The following NCOA7 variants were observed in gnomAD, a reference collection of about 807,000 sequenced individuals.
The protein encoded by NCOA7 is 140 kDa estrogen receptor-associated protein.
Under a neutral mutation model 104.3 loss-of-function variants are expected in NCOA7, and 45 were observed. The observed-to-expected ratio is 0.43, with a 90% CI of 0.34 to 0.55. NCOA7 has a LOEUF of 0.55. Ranked by LOEUF, NCOA7 falls within the 20% of genes least tolerant of loss-of-function variation. The pLI is 0.02. For missense variants in NCOA7, 1,041 were observed against 1,119.7 expected, an observed-to-expected ratio of 0.93 and a Z score of 1.00; for synonymous variants, 398 against 402.3, an observed-to-expected ratio of 0.99 and a Z score of 0.13.
intron 3 of NCOA7, among the ~76,000 whole-genome samples, chr6:125,856,322 CAT>C (rs1781543817): frequency 6.6e-6 from 1 of 151,546 alleles, no homozygotes; most frequent in Non-Finnish European, 1.5e-5. Context: ...TACAGGAAGA[CAT>C]ATGTTTATGT....
At chr6:125,921,522 T>G (rs1216889584) in intron 12 of NCOA7, among the ~76,000 whole-genome samples, 1 of 152,164 alleles carries the variant, frequency 6.6e-6, no homozygotes, top group Non-Finnish European at 1.5e-5. Flanking sequence ...CAGTGCCCCC[T>G]GCTCTGCCTC....
At chr6:125,820,650 C>T (rs1479635611) in intron 2 of NCOA7, among the ~76,000 whole-genome samples, 1 of 151,894 alleles carries the variant, frequency 6.6e-6, no homozygotes, top group Non-Finnish European at 1.5e-5. Flanking sequence ...ACAGTGAGTA[C>T]TCACACATTC....
At chr6:125,888,029 T>A (rs1333463623) in intron 8 of NCOA7, among the ~76,000 whole-genome samples, 2 of 152,352 alleles carry the variant, frequency 1.3e-5, no homozygotes, top group African/African-American at 2.4e-5. Context: ...TCATTTTTTT[T>A]AAATGTATTT....
Position 125,889,697 on chromosome 6 carries a change from G to A in NCOA7, c.1643G>A (p.Gly548Glu), listed in dbSNP as rs1459176072. 1 of 1,613,946 alleles carries A rather than the reference G, an allele frequency of 6.2e-7. No individual in the cohort carries two copies. Among genetic ancestry groups the A allele is most frequent in the South Asian group, 1.1e-5 (1 of 91,044 alleles). The change falls in exon 9 of 16, where the codon GGA becomes GAA. Residue 548 changes from glycine (G) to glutamate (E), a missense_variant. By Grantham distance (98) the Gly-to-Glu change is moderately conservative. Coordinates refer to ENST00000392477, the MANE Select transcript of NCOA7 (RefSeq NM_181782.5). ...TTGCAGAAAACAGAATTAAGTGATGGAAAAAGTATTGAACCAGGGGGAATA... is the reference window on the plus strand; with the variant it reads ...TTGCAGAAAACAGAATTAAGTGATGAAAAAAGTATTGAACCAGGGGGAATA... ...ENLQKTELSD[G>E]KSIEPGGIDI...
chr6:125,879,207 C>G (rs1783623496), intron 5 of NCOA7, among the ~76,000 whole-genome samples: 1 of 151,364 alleles, frequency 6.6e-6, no homozygotes, highest in Non-Finnish European at 1.5e-5. Context: ...TTCCATTGAC[C>G]CATATTGAAG....
At chr6:125,847,434 T>C (rs1780718691) in intron 2 of NCOA7, among the ~76,000 whole-genome samples, 1 of 152,232 alleles carries the variant, frequency 6.6e-6, no homozygotes, top group African/African-American at 2.4e-5. Flanking sequence ...GCTACCACAT[T>C]GAGCAATGCC....
At chr6:125,842,776 A>G (rs1015880681) in intron 2 of NCOA7, among the ~76,000 whole-genome samples, 3 of 152,238 alleles carry the variant, frequency 2.0e-5, no homozygotes, top group Non-Finnish European at 4.4e-5. Flanking sequence ...TTTTGAAGTC[A>G]TCCACCATAA....
At chr6:125,835,107 A>G (rs1779505253) in intron 2 of NCOA7, among the ~76,000 whole-genome samples, 1 of 152,264 alleles carries the variant, frequency 6.6e-6, no homozygotes. Flanking sequence ...TAAAAGAGGT[A>G]GAACACTTAT....
At chr6:125,854,321 A>T (rs1398194403) in intron 2 of NCOA7, among the ~76,000 whole-genome samples, 1 of 152,216 alleles carries the variant, frequency 6.6e-6, no homozygotes, top group Non-Finnish European at 1.5e-5. Context: ...CTTTCAGTGA[A>T]TTATGCTAAC....
intron 10 of NCOA7, among the ~76,000 whole-genome samples, chr6:125,893,653 T>C (rs1256674744): frequency 6.6e-6 from 1 of 152,120 alleles, no homozygotes; most frequent in Non-Finnish European, 1.5e-5. Flanking sequence ...CCTTGCATAG[T>C]CTCCGTTAAT....
intron 10 of NCOA7, among the ~76,000 whole-genome samples, chr6:125,891,240 G>A (rs1784599507): frequency 6.6e-6 from 1 of 152,122 alleles, no homozygotes; most frequent in Non-Finnish European, 1.5e-5. Flanking sequence ...CTTATGGAGG[G>A]AGCATCTGTA....
chr6:125,809,834 C>G (rs927494852), intron 1 of NCOA7, among the ~76,000 whole-genome samples: 6 of 152,090 alleles, frequency 3.9e-5, no homozygotes, highest in African/African-American at 1.4e-4. Context: ...CATGGATATA[C>G]TGCTGTTTTT....
At chr6:125,859,670 C>T (rs1781879303) in intron 3 of NCOA7, among the ~76,000 whole-genome samples, 1 of 152,018 alleles carries the variant, frequency 6.6e-6, no homozygotes, top group Admixed American at 6.6e-5. Flanking sequence ...AAGCATTAGA[C>T]AAATACGAAG....
At chr6:125,799,633 G>A (rs1006127139) in intron 1 of NCOA7, among the ~76,000 whole-genome samples, 6 of 151,882 alleles carry the variant, frequency 4.0e-5, no homozygotes, top group South Asian at 2.1e-4. Flanking sequence ...GTAGAGACGG[G>A]GTTTCACCTG....
In NCOA7 at chr6:125,889,114, T is replaced by C; in HGVS notation, c.1060T>C (p.Ser354Pro). 1 of 1,614,066 alleles carries C rather than the reference T, an allele frequency of 6.2e-7. No homozygotes were observed. The highest frequency in any genetic ancestry group is 8.5e-7 in the Non-Finnish European group (1 of 1,179,988). The change falls in exon 9 of 16, where the codon TCC becomes CCC. Residue 354 changes from serine (S) to proline (P), a missense_variant. Around this residue, in one of 2 missense-constraint regions of NCOA7, gnomAD observed 914 missense variants for 942.7 expected, o/e 0.97. Transcript: ENST00000392477. ...DSRPIVPLEK[S>P]TGHTPTKPSG... is the part of the protein sequence containing the mutation. Reference sequence around the variant, plus strand: ...CAGACCAATAGTACCTTTGGAGAAGTCCACAGGACATACACCTACAAAGCC... The same window carrying C: ...CAGACCAATAGTACCTTTGGAGAAGCCCACAGGACATACACCTACAAAGCC...
chr6:125,886,164 G>GAAAAAAAAAA (rs57159294), intron 8 of NCOA7, among the ~76,000 whole-genome samples: 1 of 115,932 alleles, frequency 8.6e-6, no homozygotes, highest in Non-Finnish European at 1.8e-5. Flanking sequence ...GGGCTTATAT[G>GAAAAAAAAAA]AAAAAAAAAA....
At chr6:125,835,200 T>C (rs1364001766) in intron 2 of NCOA7, among the ~76,000 whole-genome samples, 1 of 152,192 alleles carries the variant, frequency 6.6e-6, no homozygotes, top group African/African-American at 2.4e-5. Flanking sequence ...ACAACAGCTA[T>C]CCATGTTATT....
chr6:125,829,789 C>T lies in NCOA7; in HGVS notation c.50+14385C>T, dbSNP rs532510825. ...AGCACCAGGTAATATAGTAATCAGA[C>T]AATGCCCTGGAATCCTAGAAGAAGT... On this transcript the variant is annotated intron_variant, in intron 2 of 15. Coordinates refer to ENST00000392477, the MANE Select transcript of NCOA7 (RefSeq NM_181782.5). Among the ~76,000 whole-genome samples the T allele has an allele frequency of 4.6e-3, 695 of 152,246 alleles. 3 individuals are homozygous for T. Among genetic ancestry groups the T allele is most frequent in the Non-Finnish European group, 7.6e-3 (517 of 68,020 alleles).
rs144802599 is a variant in NCOA7 at position 125,885,332 on chromosome 6, T to C, written c.873T>C (p.Asp291=). The C allele has an allele frequency of 3.8e-4, 616 of 1,613,392 alleles. 2 individuals carry two copies. In the African/African-American group the frequency reaches 5.3e-3, roughly 14 times the overall value. ...YNDISHMKIK[D]ALPSDLPQDL... The stretch of plus-strand genomic sequence containing the variant: ...ACATTTCTCACATGAAGATCAAAGA[T>C]GCCTTGCCATCGTAAGACATTTATT... Residue 291 remains aspartate, a synonymous_variant, in exon 8 of 16, where the codon GAT becomes GAC. Transcript: ENST00000392477.
Sources: allele counts gnomAD v4.1 joint callset (sites outside exome capture counted in the v4.1 genomes callset), GRCh38; gene constraint gnomAD v4.1.1; regional missense constraint gnomAD v4.1.1; transcripts MANE v1.5; gene names NCBI Gene and HGNC (gene_info 2026-07-23, HGNC 2026-07-21).